The following PANX2 variants were observed in gnomAD, a reference collection of about 807,000 sequenced individuals.
PANX2 encodes pannexin-2.
A neutral mutation model predicts 38.7 loss-of-function variants in PANX2; 30 were observed. The ratio of observed to expected loss-of-function variants is 0.78; its 90% CI spans 0.58 to 1.05. The LOEUF (loss-of-function observed/expected upper bound fraction) is 1.05, where lower values mean the gene tolerates loss of function less well. Among genes scored for constraint, PANX2 ranks in the 50% least tolerant of loss-of-function variants. PANX2 has a pLI of 0.00. For synonymous variants in PANX2, 539 were observed against 472.1 expected (o/e 1.14, Z -1.84); for missense variants, 880 against 979.3 (o/e 0.90, Z 1.35).
Position 50,179,080 on chromosome 22 carries a change from C to G in PANX2, c.1837C>G (p.Pro613Ala). ...ACCAGCCAGCCTGGGCAAGGCGGAG[C>G]CCCTCACCATCCTGAGCCGAAACGC... ...LTPASLGKAE[P>A]LTILSRNATH... is the part of the protein sequence containing the mutation. The change falls in exon 3 of 3, where the codon CCC becomes GCC. Residue 613 changes from proline to alanine, a missense_variant. Physicochemically the swap from Pro to Ala is conservative, Grantham distance 27. Around this residue, in one of 4 missense-constraint regions of PANX2, gnomAD observed 445 missense variants for 404.3 expected, o/e 1.10. Transcript: ENST00000395842. The G allele has an allele frequency of 6.2e-7, 1 of 1,611,394 alleles. No individual in the cohort carries two copies. The highest frequency in any genetic ancestry group is 1.7e-5 in the Admixed American group (1 of 59,864).
In PANX2 at chr22:50,178,202, C is replaced by CCT; in HGVS notation, c.1490_1491insCT (p.Ala498LeufsTer59). 6.9e-7 allele frequency: 1 copy of CCT among 1,456,218 alleles called. No homozygotes were observed. The allele number at this position is 1,456,218 out of a possible 1,614,324, so 90.2% of individuals were successfully genotyped here. On this transcript the variant is annotated frameshift_variant, in exon 2 of 3. Coordinates refer to ENST00000395842, the MANE Select transcript of PANX2 (RefSeq NM_052839.4). LOFTEE classifies it high-confidence loss of function. Reference sequence around the variant, plus strand: ...GGCGACCCGGGCCCCGGCCCCGCCCCTGCCCCCGCCCCGCCGCCCGCCCCT... The same window carrying CCT: ...GGCGACCCGGGCCCCGGCCCCGCCCCCTTGCCCCCGCCCCGCCGCCCGCCCCT...
chr22:50,172,257 G>A (rs1351858279), intron 1 of PANX2, among the ~76,000 whole-genome samples: 2 of 152,218 alleles, frequency 1.3e-5, no homozygotes, highest in Non-Finnish European at 2.9e-5. Context: ...GAGGCCAAAA[G>A]TCCAAAATCG....
chr22:50,174,792 C>T (rs2063653323), intron 1 of PANX2, among the ~76,000 whole-genome samples: 1 of 152,158 alleles, frequency 6.6e-6, no homozygotes, highest in South Asian at 2.1e-4. Context: ...GGCTCAGCAG[C>T]CCCTCTCTGC....
intron 1 of PANX2, among the ~76,000 whole-genome samples, chr22:50,176,549 T>G (rs940805929): frequency 2.0e-5 from 3 of 152,240 alleles, no homozygotes; most frequent in Non-Finnish European, 4.4e-5. Context: ...GGACCTGGTT[T>G]GGGTCCGGCT....
Position 50,178,311 on chromosome 22 carries a change from C to T in PANX2, c.1599C>T (p.Pro533=), listed in dbSNP as rs764374804. 14 of 1,517,808 alleles carry T rather than the reference C, an allele frequency of 9.2e-6. No individual in the cohort carries two copies. The East Asian group carries it at 2.6e-4, about 28-fold the overall frequency. The allele number at this position is 1,517,808 out of a possible 1,614,324, so 94.0% of individuals were successfully genotyped here. The change falls in exon 2 of 3, where the codon CCC becomes CCT. Residue 533 remains proline (P), a synonymous_variant. Coordinates refer to ENST00000395842, the MANE Select transcript of PANX2 (RefSeq NM_052839.4). ...GTKKAKAEAV[P]AALPASRSQE... ...AGAAGGCCAAGGCCGAGGCGGTGCCCGCCGCCCTGCCCGCCTCCCGGAGCC... is the reference window on the plus strand; with the variant it reads ...AGAAGGCCAAGGCCGAGGCGGTGCCTGCCGCCCTGCCCGCCTCCCGGAGCC...
intron 1 of PANX2, among the ~76,000 whole-genome samples, chr22:50,173,136 T>C (rs1016903278): frequency 1.3e-5 from 2 of 151,972 alleles, no homozygotes; most frequent in African/African-American, 4.8e-5. Context: ...GACCTCGTGA[T>C]CCGCCCACCT....
Position 50,180,069 on chromosome 22 carries a change from G to C in PANX2, c.*792G>C, listed in dbSNP as rs1195420549. 6.6e-6 allele frequency: 1 copy of C among 152,354 alleles called. No individual in the cohort carries two copies. The highest frequency in any genetic ancestry group is 1.9e-4 in the East Asian group (1 of 5,178). 9.4% of individuals were successfully genotyped at this position (152,354 alleles called of 1,614,324 possible). A position where few individuals can be genotyped will look rare whatever the true frequency, so the allele number is the denominator to read the frequency against. On this transcript the variant is annotated 3_prime_UTR_variant, in exon 3 of 3. Coordinates refer to ENST00000395842, the MANE Select transcript of PANX2 (RefSeq NM_052839.4). ...AGTGTGAGCAGGCGGGCGAGTGCGT[G>C]AGTGCACGCCAGCGCGTGGCCCATG...
At position 50,177,617 on chromosome 22, in the gene PANX2, A is replaced by G; in HGVS notation, c.905A>G (p.Asn302Ser). The G allele has an allele frequency of 6.2e-7, 1 of 1,612,946 alleles. No homozygotes were observed. The highest frequency in any genetic ancestry group is 8.5e-7 in the Non-Finnish European group (1 of 1,179,986). Residue 302 changes from asparagine to serine, a missense_variant, in exon 2 of 3, where the codon AAC becomes AGC. Around this residue, in one of 4 missense-constraint regions of PANX2, gnomAD observed 114 missense variants for 108.8 expected, o/e 1.05. Transcript: ENST00000395842. The part of the protein sequence containing the change: ...GVDIVLLCVM[N>S]LIILVNLIHL... ...GACATCGTGCTGCTGTGCGTCATGA[A>G]CCTCATCATCCTCGTCAACCTCATC... is the stretch of plus-strand genomic sequence containing the variant.
At position 50,178,246 on chromosome 22, in the gene PANX2, C is replaced by T; in HGVS notation, c.1534C>T (p.His512Tyr). Reference protein sequence around the residue: ...PPAPDKKHARHFSLDVHPYIL... With the variant: ...PPAPDKKHARYFSLDVHPYIL... ...CGCCCCTGACAAGAAGCACGCGCGC[C>T]ACTTCTCCCTGGACGTGCACCCCTA... is the stretch of plus-strand genomic sequence containing the variant. Residue 512 changes from histidine to tyrosine, a missense_variant, in exon 2 of 3, where the codon CAC becomes TAC. By Grantham distance (83) the His-to-Tyr change is moderately conservative (BLOSUM62 2). Transcript: ENST00000395842. 6 of 1,517,978 alleles carry T rather than the reference C, an allele frequency of 4.0e-6. No homozygotes were observed. Among genetic ancestry groups the T allele is most frequent in the Non-Finnish European group, 5.3e-6 (6 of 1,139,984 alleles). 94.0% of individuals were successfully genotyped at this position (1,517,978 alleles called of 1,614,324 possible).
At chr22:50,176,335 C>G (rs2063661033) in intron 1 of PANX2, among the ~76,000 whole-genome samples, 1 of 152,242 alleles carries the variant, frequency 6.6e-6, no homozygotes, top group South Asian at 2.1e-4. Context: ...GGTGACATCC[C>G]CAACCAGCCC....
At chr22:50,176,156 T>C (rs113198415) in intron 1 of PANX2, among the ~76,000 whole-genome samples, 11 of 152,380 alleles carry the variant, frequency 7.2e-5, no homozygotes, top group African/African-American at 2.6e-4. Flanking sequence ...GACCCCACAC[T>C]GGGCCAAGGC....
At chr22:50,175,414 C>G in intron 1 of PANX2, 2 of 1,289,642 alleles carry the variant, frequency 1.6e-6, no homozygotes, top group Non-Finnish European at 2.0e-6. Context: ...ACAAACCTGT[C>G]CCTGTTCTCT....
At chr22:50,175,439 G>A (rs193124051) in intron 1 of PANX2, 7 of 1,299,342 alleles carry the variant, frequency 5.4e-6, no homozygotes, top group African/African-American at 3.0e-5. Flanking sequence ...CAGGGTGGAC[G>A]CTCTTCTCTG....
intron 1 of PANX2, among the ~76,000 whole-genome samples, chr22:50,172,724 C>T (rs1041194707): frequency 3.8e-4 from 58 of 151,132 alleles, no homozygotes; most frequent in Non-Finnish European, 6.4e-4. Flanking sequence ...ACCACCCCCC[C>T]GCTTTTTTTA....
chr22:50,177,263 G>T lies in PANX2; in HGVS notation c.551G>T (p.Gly184Val), dbSNP rs377363933. ...ATCGAGAAGCAGATCCAGTCCAAGG[G>T]CCCGGGCATCACGGAGCGCGAGAAG... ...PKIEKQIQSK[G>V]PGITEREKRE... Residue 184 changes from glycine (G) to valine (V), a missense_variant, in exon 2 of 3, where the codon GGC (glycine) becomes GTC (valine). Around this residue, in one of 4 missense-constraint regions of PANX2, gnomAD observed 243 missense variants for 333.1 expected, o/e 0.73. Transcript: ENST00000395842. The T allele has an allele frequency of 6.2e-7, 1 of 1,612,358 alleles. No homozygotes were observed. The highest frequency in any genetic ancestry group is 1.7e-4 in the Middle Eastern group (1 of 6,060).
Position 50,177,583 on chromosome 22 carries a change from G to A in PANX2, c.871G>A (p.Ala291Thr), listed in dbSNP as rs1250155548. ...GTCCGTGCAACTGCAGCGCATCATC[G>A]CGGGCGTGGACATCGTGCTGCTGTG... Reference protein sequence around the residue: ...LPSVQLQRIIAGVDIVLLCVM... With the variant: ...LPSVQLQRIITGVDIVLLCVM... Residue 291 changes from alanine to threonine, a missense_variant, in exon 2 of 3, where the codon GCG becomes ACG. By Grantham distance (58) the Ala-to-Thr change is moderately conservative. Around this residue, in one of 4 missense-constraint regions of PANX2, gnomAD observed 114 missense variants for 108.8 expected, o/e 1.05. Transcript: ENST00000395842. 6 of 1,612,740 alleles carry A rather than the reference G, an allele frequency of 3.7e-6. No individual in the cohort carries two copies. Among genetic ancestry groups the A allele is most frequent in the Non-Finnish European group, 5.1e-6 (6 of 1,179,950 alleles).
chr22:50,171,917 A>G (rs975283572), intron 1 of PANX2, among the ~76,000 whole-genome samples: 19 of 152,100 alleles, frequency 1.2e-4, no homozygotes, highest in African/African-American at 3.6e-4. Flanking sequence ...CGCTTCCCAA[A>G]TCTCCCAGAT....
intron 1 of PANX2, among the ~76,000 whole-genome samples, chr22:50,172,628 C>T (rs1432183128): frequency 6.6e-6 from 1 of 152,198 alleles, no homozygotes; most frequent in Non-Finnish European, 1.5e-5. Flanking sequence ...TGGTCTCAAA[C>T]TCCTGGGCTC....
At chr22:50,175,702 A>G (rs2063657649) in intron 1 of PANX2, among the ~76,000 whole-genome samples, 1 of 152,104 alleles carries the variant, frequency 6.6e-6, no homozygotes, top group Non-Finnish European at 1.5e-5. Flanking sequence ...ACCCTCCCTG[A>G]GCAGGCTGTC....
Sources: gnomAD v4.1 joint callset for allele counts (sites outside exome capture counted in the v4.1 genomes callset) on GRCh38, gnomAD v4.1.1 for gene constraint, gnomAD v4.1.1 regional missense constraint, MANE v1.5 for transcripts, NCBI Gene and HGNC (gene_info 2026-07-23, HGNC 2026-07-21) for gene names.